NAALADL2: variants seen among roughly 807,000 people sequenced by gnomAD.
NAALADL2 encodes the protein N-acetylated alpha-linked acidic dipeptidase like 2, also known as inactive N-acetylated-alpha-linked acidic dipeptidase-like protein 2.
A neutral mutation model predicts 87.2 loss-of-function variants in NAALADL2; 76 were observed. The observed-to-expected ratio is 0.87, with a 90% CI of 0.72 to 1.05. NAALADL2 has a LOEUF of 1.05. Ranked by LOEUF, NAALADL2 falls within the 50% of genes least tolerant of loss-of-function variation. The pLI is 0.00. For missense variants in NAALADL2, 1,089 were observed against 945.8 expected, an observed-to-expected ratio of 1.15 and a Z score of -1.99; for synonymous variants, 354 against 331.0, an observed-to-expected ratio of 1.07 and a Z score of -0.75.
At chr3:175,102,377 G>A (rs1722362279) in intron 2 of NAALADL2, among the ~76,000 whole-genome samples, 4 of 152,074 alleles carry the variant, frequency 2.6e-5, no homozygotes, top group Admixed American at 2.6e-4. Flanking sequence ...TTTTTGATAG[G>A]CCAAAAAGAA....
intron 1 of NAALADL2, among the ~76,000 whole-genome samples, chr3:175,054,063 ATTTTCAATTAAC>A (rs1711575783): frequency 6.6e-6 from 1 of 152,218 alleles, no homozygotes; most frequent in African/African-American, 2.4e-5. Context: ...GTAACTGAGC[ATTTTCAATTAAC>A]TGTGTGGAAT....
At chr3:175,612,516 G>A (rs755161617) in intron 10 of NAALADL2, among the ~76,000 whole-genome samples, 3 of 152,098 alleles carry the variant, frequency 2.0e-5, no homozygotes, top group African/African-American at 4.8e-5. Context: ...AGGATTTGAC[G>A]AATGTATTTG....
At chr3:175,713,282 A>G (rs1368820283) in intron 11 of NAALADL2, among the ~76,000 whole-genome samples, 2 of 148,486 alleles carry the variant, frequency 1.3e-5, no homozygotes, top group Non-Finnish European at 2.9e-5. Context: ...GCCAGTTTTT[A>G]CTTGCCCACC....
At chr3:174,506,507 A>C (rs1262130053) in intron 1 of NAALADL2, among the ~76,000 whole-genome samples, 1 of 152,128 alleles carries the variant, frequency 6.6e-6, no homozygotes, top group Non-Finnish European at 1.5e-5. Flanking sequence ...ACGGCTTTGC[A>C]TTAAAAATGC....
At chr3:174,636,820 TATTTATCCAA>T (rs1722696811) in intron 2 of NAALADL2, among the ~76,000 whole-genome samples, 1 of 152,150 alleles carries the variant, frequency 6.6e-6, no homozygotes, top group South Asian at 2.1e-4. Flanking sequence ...TACTACTAGG[TATTTATCCAA>T]AGGAAAATAC....
chr3:175,675,210 A>T (rs1470279615), intron 11 of NAALADL2: 35 of 152,208 alleles, frequency 2.3e-4, no homozygotes, highest in Admixed American at 2.2e-3. Flanking sequence ...GAATGTTATC[A>T]TTACCATTCC....
intron 5 of NAALADL2, among the ~76,000 whole-genome samples, chr3:175,399,382 A>G (rs1216471125): frequency 6.6e-6 from 1 of 152,058 alleles, no homozygotes. Context: ...TCCCAGCCTC[A>G]TTTGTGCCAG....
intron 13 of NAALADL2, among the ~76,000 whole-genome samples, chr3:175,768,874 G>GT (rs1303687013): frequency 6.7e-6 from 1 of 150,104 alleles, no homozygotes. Context: ...AAAAATTGTA[G>GT]TAACTTCACA....
At chr3:175,343,099 G>A (rs1560397261) in intron 5 of NAALADL2, among the ~76,000 whole-genome samples, 1 of 151,944 alleles carries the variant, frequency 6.6e-6, no homozygotes, top group Non-Finnish European at 1.5e-5. Flanking sequence ...ATAGTCTCAT[G>A]CCAAATAACT....
chr3:175,016,876 G>A (rs1750890029), intron 1 of NAALADL2, among the ~76,000 whole-genome samples: 1 of 151,966 alleles, frequency 6.6e-6, no homozygotes, highest in African/African-American at 2.4e-5. Flanking sequence ...AATTCAGGGT[G>A]ATCGGGTTAT....
At chr3:175,472,522 A>T (rs1386949996) in intron 9 of NAALADL2, among the ~76,000 whole-genome samples, 4 of 152,156 alleles carry the variant, frequency 2.6e-5, no homozygotes, top group African/African-American at 9.7e-5. Flanking sequence ...CTGTTAATTT[A>T]TATATTGGAA....
At chr3:175,711,245 G>A (rs890714779) in intron 11 of NAALADL2, among the ~76,000 whole-genome samples, 1 of 151,770 alleles carries the variant, frequency 6.6e-6, no homozygotes, top group African/African-American at 2.4e-5. Context: ...TGAATAATAA[G>A]CATCTACAGA....
chr3:175,230,697 T>C (rs1249092560), intron 2 of NAALADL2, among the ~76,000 whole-genome samples: 1 of 152,026 alleles, frequency 6.6e-6, no homozygotes, highest in Non-Finnish European at 1.5e-5. Flanking sequence ...TAATGAAATA[T>C]TACTTTACAC....
intron 2 of NAALADL2, among the ~76,000 whole-genome samples, chr3:175,127,030 A>T (rs547719913): frequency 6.6e-6 from 1 of 152,080 alleles, no homozygotes; most frequent in South Asian, 2.1e-4. Flanking sequence ...GAATCTGCTG[A>T]AATCGCCCTG....
At chr3:175,286,510 A>G (rs545301818) in intron 4 of NAALADL2, among the ~76,000 whole-genome samples, 1 of 152,304 alleles carries the variant, frequency 6.6e-6, no homozygotes, top group Non-Finnish European at 1.5e-5. Flanking sequence ...TCAAATTTCC[A>G]AGATCCAAAA....
chr3:174,831,627 A>G (rs923963476), intron 3 of NAALADL2, among the ~76,000 whole-genome samples: 1 of 151,154 alleles, frequency 6.6e-6, no homozygotes, highest in Non-Finnish European at 1.5e-5. Context: ...TCTCATAAAA[A>G]GAGTTAGGGA....
intron 1 of NAALADL2, among the ~76,000 whole-genome samples, chr3:174,450,612 C>G (rs1715412378): frequency 6.6e-6 from 1 of 152,100 alleles, no homozygotes; most frequent in African/African-American, 2.4e-5. Context: ...TGGCTATTGC[C>G]TGTAATCCCA....
chr3:174,676,548 T>C (rs1192453457), intron 2 of NAALADL2, among the ~76,000 whole-genome samples: 1 of 151,974 alleles, frequency 6.6e-6, no homozygotes, highest in East Asian at 1.9e-4. Context: ...AAATTTGGAA[T>C]CTGAAATCCT....
At chr3:174,906,313 C>A (rs778821030) in intron 1 of NAALADL2, among the ~76,000 whole-genome samples, 6 of 152,076 alleles carry the variant, frequency 3.9e-5, no homozygotes, top group Non-Finnish European at 8.8e-5. Context: ...AATATCCCTG[C>A]TTCTTGGTTA....
Sources: gnomAD v4.1 joint callset for allele counts (sites outside exome capture counted in the v4.1 genomes callset) on GRCh38, gnomAD v4.1.1 for gene constraint, MANE v1.5 for transcripts, NCBI Gene and HGNC (gene_info 2026-07-23, HGNC 2026-07-21) for gene names.